LRRC4C: variants seen among roughly 807,000 people sequenced by gnomAD.
The protein encoded by LRRC4C is leucine rich repeat containing 4C.
A neutral mutation model predicts 33.6 loss-of-function variants in LRRC4C; 5 were observed. That is an observed-to-expected ratio of 0.15 (90% confidence interval 0.08 to 0.31). The LOEUF (loss-of-function observed/expected upper bound fraction) is 0.31, where lower values mean the gene tolerates loss of function less well. Ranked by LOEUF, LRRC4C falls within the 10% of genes least tolerant of loss-of-function variation. LRRC4C has a pLI of 1.00. For missense variants in LRRC4C, 560 were observed against 796.7 expected (o/e 0.70, Z 3.58); for synonymous variants, 329 against 302.0 (o/e 1.09, Z -0.93).
At chr11:41,014,682 GCTGT>G (rs1452493554) in intron 1 of LRRC4C, among the ~76,000 whole-genome samples, 4 of 152,006 alleles carry the variant, frequency 2.6e-5, no homozygotes, top group African/African-American at 4.8e-5. Context: ...TTCAAAAAGG[GCTGT>G]CTAATATACT....
chr11:41,020,677 A>C (rs1036836866), intron 1 of LRRC4C, among the ~76,000 whole-genome samples: 1 of 152,176 alleles, frequency 6.6e-6, no homozygotes, highest in Non-Finnish European at 1.5e-5. Context: ...ATGTGAGAGA[A>C]CAAATTTCTG....
At chr11:40,358,638 T>C (rs1361227466) in intron 3 of LRRC4C, among the ~76,000 whole-genome samples, 1 of 152,130 alleles carries the variant, frequency 6.6e-6, no homozygotes, top group Non-Finnish European at 1.5e-5. Flanking sequence ...GTATTACTGA[T>C]CACTGCCATG....
chr11:41,268,657 T>C (rs748875512), intron 1 of LRRC4C, among the ~76,000 whole-genome samples: 7 of 152,110 alleles, frequency 4.6e-5, no homozygotes, highest in African/African-American at 7.2e-5. Flanking sequence ...ATAAAACAGT[T>C]TGGGATACAA....
chr11:40,406,572 T>C (rs1299144391), intron 3 of LRRC4C, among the ~76,000 whole-genome samples: 1 of 152,160 alleles, frequency 6.6e-6, no homozygotes, highest in Non-Finnish European at 1.5e-5. Context: ...AGAAAATACA[T>C]TTTAAAAACA....
chr11:40,451,933 C>G (rs573574419), intron 3 of LRRC4C, among the ~76,000 whole-genome samples: 2 of 152,240 alleles, frequency 1.3e-5, no homozygotes, highest in Admixed American at 6.5e-5. Flanking sequence ...GATTGTCAGA[C>G]AGTGGGTGCA....
intron 1 of LRRC4C, among the ~76,000 whole-genome samples, chr11:41,086,305 T>C (rs1939985223): frequency 6.6e-6 from 1 of 152,166 alleles, no homozygotes; most frequent in South Asian, 2.1e-4. Flanking sequence ...TAAATCATTG[T>C]GTTCATTACC....
chr11:40,237,577 ATGTT>A (rs1247149693), intron 5 of LRRC4C, among the ~76,000 whole-genome samples: 4 of 152,212 alleles, frequency 2.6e-5, no homozygotes, highest in Non-Finnish European at 5.9e-5. Context: ...CACCCAATAA[ATGTT>A]TGTTTAATTT....
intron 1 of LRRC4C, among the ~76,000 whole-genome samples, chr11:41,091,861 G>A (rs1373812412): frequency 2.6e-5 from 4 of 152,062 alleles, no homozygotes; most frequent in African/African-American, 9.7e-5. Flanking sequence ...CCTATCTTGT[G>A]GATGAGCTTA....
At chr11:40,264,133 GCTCA>G (rs1405612573) in intron 4 of LRRC4C, among the ~76,000 whole-genome samples, 1 of 152,148 alleles carries the variant, frequency 6.6e-6, no homozygotes, top group Non-Finnish European at 1.5e-5. Context: ...CATAGTAAGT[GCTCA>G]CTAATTGTTA....
At chr11:40,837,916 A>T (rs1952748306) in intron 2 of LRRC4C, among the ~76,000 whole-genome samples, 1 of 151,878 alleles carries the variant, frequency 6.6e-6, no homozygotes, top group African/African-American at 2.4e-5. Context: ...ACACCCTCAC[A>T]TGTATACAGC....
At chr11:41,232,340 G>T (rs1442903751) in intron 1 of LRRC4C, among the ~76,000 whole-genome samples, 1 of 152,024 alleles carries the variant, frequency 6.6e-6, no homozygotes, top group African/African-American at 2.4e-5. Flanking sequence ...TGTCTGAGCT[G>T]TACTGTGTAT....
intron 3 of LRRC4C, among the ~76,000 whole-genome samples, chr11:40,605,760 T>C (rs1223157022): frequency 6.6e-6 from 1 of 152,128 alleles, no homozygotes; most frequent in Non-Finnish European, 1.5e-5. Context: ...ACAAAAGCAA[T>C]AGTTTGAACT....
At chr11:41,202,521 T>C (rs1946439498) in intron 1 of LRRC4C, among the ~76,000 whole-genome samples, 1 of 152,286 alleles carries the variant, frequency 6.6e-6, no homozygotes, top group Admixed American at 6.5e-5. Context: ...ATCTTAGGAA[T>C]CTTTACATGA....
chr11:40,999,456 T>C (rs1854210372), intron 1 of LRRC4C, among the ~76,000 whole-genome samples: 1 of 150,850 alleles, frequency 6.6e-6, no homozygotes. Flanking sequence ...ACATAAATTA[T>C]TTGTTTTTGT....
intron 1 of LRRC4C, among the ~76,000 whole-genome samples, chr11:41,399,496 A>G (rs963863126): frequency 6.6e-6 from 1 of 151,976 alleles, no homozygotes; most frequent in East Asian, 1.9e-4. Flanking sequence ...GCTTTCCTTC[A>G]CGGAGAAGAA....
chr11:40,343,342 C>CATAT (rs35866050), intron 3 of LRRC4C, among the ~76,000 whole-genome samples: 28 of 150,516 alleles, frequency 1.9e-4, no homozygotes, highest in African/African-American at 6.3e-4. Context: ...CTAAAACTTA[C>CATAT]ATATATATAT....
intron 1 of LRRC4C, among the ~76,000 whole-genome samples, chr11:41,355,842 C>T (rs1440800361): frequency 6.6e-6 from 1 of 151,972 alleles, no homozygotes; most frequent in African/African-American, 2.4e-5. Context: ...AGCTCTTAAA[C>T]TAGCAAACTT....
At chr11:40,599,803 G>C (rs1177143505) in intron 3 of LRRC4C, among the ~76,000 whole-genome samples, 1 of 152,172 alleles carries the variant, frequency 6.6e-6, no homozygotes, top group African/African-American at 2.4e-5. Flanking sequence ...AGTTAGAATG[G>C]TAGATAGAGA....
At chr11:41,199,608 C>T (rs756856058) in intron 1 of LRRC4C, among the ~76,000 whole-genome samples, 7 of 152,036 alleles carry the variant, frequency 4.6e-5, no homozygotes, top group African/African-American at 9.7e-5. Flanking sequence ...ACTTTGGCTG[C>T]GATATCTGCT....
Sources: gnomAD v4.1 joint callset for allele counts (sites outside exome capture counted in the v4.1 genomes callset) on GRCh38, gnomAD v4.1.1 for gene constraint, MANE v1.5 for transcripts, NCBI Gene and HGNC (gene_info 2026-07-23, HGNC 2026-07-21) for gene names.